SHISA9: variants seen among roughly 807,000 people sequenced by gnomAD.
SHISA9 encodes shisa family member 9.
SHISA9 carries 13 observed loss-of-function variants against 38.0 expected under a neutral mutation model. The ratio of observed to expected loss-of-function variants is 0.34; its 90% CI spans 0.22 to 0.54. The LOEUF is 0.54. SHISA9 is among the 20% of genes least tolerant of loss of function. SHISA9 has a pLI of 0.91. For missense variants in SHISA9, 538 were observed against 575.8 expected (o/e 0.93, Z 0.67); for synonymous variants, 275 against 242.0 (o/e 1.14, Z -1.27).
intron 2 of SHISA9, among the ~76,000 whole-genome samples, chr16:13,190,671 A>T (rs1220369162): frequency 6.6e-6 from 1 of 152,102 alleles, no homozygotes; most frequent in Non-Finnish European, 1.5e-5. Flanking sequence ...TCTGCCTCCT[A>T]CCCTAGACTG....
At chr16:12,989,767 T>G (rs2072360454) in intron 2 of SHISA9, among the ~76,000 whole-genome samples, 1 of 152,176 alleles carries the variant, frequency 6.6e-6, no homozygotes, top group African/African-American at 2.4e-5. Context: ...CATGAATTGT[T>G]ATTATTTTTC....
At chr16:12,940,169 G>C (rs1178068112) in intron 2 of SHISA9, among the ~76,000 whole-genome samples, 2 of 152,158 alleles carry the variant, frequency 1.3e-5, no homozygotes, top group Non-Finnish European at 2.9e-5. Context: ...GTTCCATCAT[G>C]GTCACTTTCC....
the SHISA9 span, among the ~76,000 whole-genome samples, chr16:13,534,500 C>A: frequency 6.6e-6 from 1 of 152,202 alleles, no homozygotes; most frequent in African/African-American, 2.4e-5. Context: ...GCTGGGATTA[C>A]AGGTGTGAGT....
chr16:13,238,458 T>C lies in SHISA9; in HGVS notation c.*3049T>C, dbSNP rs1195293312. 1 of 152,216 alleles carries C rather than the reference T, an allele frequency of 6.6e-6. No homozygotes were observed. Among genetic ancestry groups the C allele is most frequent in the African/African-American group, 2.4e-5 (1 of 41,424 alleles). 9.4% of individuals were successfully genotyped at this position (152,216 alleles called of 1,614,324 possible). ...GGTTGCTCTTTGCCCCCAGTCCACT[T>C]CGTCCCACCCTTATCTCAACTCTGA... On this transcript the variant is annotated 3_prime_UTR_variant, in exon 5 of 5. Transcript: ENST00000558583.
At chr16:13,366,730 G>A in the SHISA9 span, among the ~76,000 whole-genome samples, 2 of 152,114 alleles carry the variant, frequency 1.3e-5, no homozygotes, top group Non-Finnish European at 2.9e-5. Context: ...ACTCATGCCT[G>A]TTATCCCAGC....
chr16:13,035,910 G>A (rs776944082), intron 2 of SHISA9, among the ~76,000 whole-genome samples: 2 of 152,038 alleles, frequency 1.3e-5, no homozygotes, highest in Non-Finnish European at 1.5e-5. Context: ...AAAAGATGCC[G>A]GTGTCATTAG....
At chr16:13,282,136 C>A in the SHISA9 span, among the ~76,000 whole-genome samples, 1 of 151,912 alleles carries the variant, frequency 6.6e-6, no homozygotes, top group Admixed American at 6.6e-5. Flanking sequence ...GATATTATTT[C>A]TCTTTGGCTT....
intron 1 of SHISA9, among the ~76,000 whole-genome samples, chr16:12,906,830 T>C (rs2141707026): frequency 6.6e-6 from 1 of 152,220 alleles, no homozygotes; most frequent in African/African-American, 2.4e-5. Flanking sequence ...TTTGGCGGCG[T>C]CTCTGGTCTC....
chr16:13,442,181 ATGTTTCT>A, the SHISA9 span, among the ~76,000 whole-genome samples: 3 of 152,162 alleles, frequency 2.0e-5, no homozygotes, highest in African/African-American at 7.2e-5. Context: ...TTTGTTGTTG[ATGTTTCT>A]TTGCTTGTTT....
chr16:12,947,890 C>G lies in SHISA9; in HGVS notation c.691+31075C>G, dbSNP rs77159831. On this transcript the variant is annotated intron_variant, in intron 2 of 4. Transcript: ENST00000558583. Reference sequence around the variant, plus strand: ...TGACCGTTCCTTGACTCAAAATTGCCGGTTGTGGGTTCTGTTGCCAAACCT... The same window carrying G: ...TGACCGTTCCTTGACTCAAAATTGCGGGTTGTGGGTTCTGTTGCCAAACCT... 2.7e-3 allele frequency among the ~76,000 whole-genome samples: 408 copies of G among 152,214 alleles called. 1 individual carries two copies. Among genetic ancestry groups the G allele is most frequent in the Non-Finnish European group, 5.0e-3 (337 of 68,010 alleles).
intron 2 of SHISA9, among the ~76,000 whole-genome samples, chr16:13,090,003 C>G (rs984029269): frequency 1.3e-5 from 2 of 152,206 alleles, no homozygotes; most frequent in African/African-American, 4.8e-5. Context: ...TGCATTGTGT[C>G]TTTGTTCTCA....
chr16:13,361,003 A>C, the SHISA9 span, among the ~76,000 whole-genome samples: 47 of 152,298 alleles, frequency 3.1e-4, no homozygotes, highest in African/African-American at 1.1e-3. Flanking sequence ...TAACCTCTCA[A>C]ATAAAATACC....
chr16:13,222,591 C>A (rs1257123829), intron 4 of SHISA9, among the ~76,000 whole-genome samples: 2 of 152,088 alleles, frequency 1.3e-5, no homozygotes, highest in Non-Finnish European at 2.9e-5. Flanking sequence ...AAATCTAGTT[C>A]TGAGTTGAGT....
chr16:13,222,185 A>G (rs1358185687), intron 4 of SHISA9, among the ~76,000 whole-genome samples: 2 of 151,994 alleles, frequency 1.3e-5, no homozygotes, highest in African/African-American at 4.8e-5. Flanking sequence ...ACCTCCCACC[A>G]GGTCCCTCCC....
At chr16:13,162,336 A>G (rs1054529948) in intron 2 of SHISA9, among the ~76,000 whole-genome samples, 7 of 152,144 alleles carry the variant, frequency 4.6e-5, no homozygotes, top group African/African-American at 1.7e-4. Context: ...GAAACAGGGA[A>G]GGGAGGCATT....
the SHISA9 span, among the ~76,000 whole-genome samples, chr16:13,268,257 C>G: frequency 1.3e-5 from 2 of 152,296 alleles, no homozygotes; most frequent in East Asian, 1.9e-4. Context: ...TGCCTGTAAT[C>G]CCAGCACTTC....
chr16:13,473,487 T>A, the SHISA9 span, among the ~76,000 whole-genome samples: 1 of 151,994 alleles, frequency 6.6e-6, no homozygotes, highest in Non-Finnish European at 1.5e-5. Flanking sequence ...AATTTGTGAT[T>A]AAACATGCCT....
chr16:12,951,052 T>C (rs1362528641), intron 2 of SHISA9, among the ~76,000 whole-genome samples: 2 of 149,560 alleles, frequency 1.3e-5, no homozygotes, highest in Admixed American at 6.7e-5. Context: ...TGAAACCCCA[T>C]CTCTACTAAA....
Position 13,239,846 on chromosome 16 carries a change from C to G in SHISA9, c.*4437C>G, listed in dbSNP as rs1169469814. On this transcript the variant is annotated 3_prime_UTR_variant, in exon 5 of 5. Coordinates refer to ENST00000558583, the MANE Select transcript of SHISA9 (RefSeq NM_001145204.3). ...AGAAGCTCTTTAGTTTAATTAGATC[C>G]CATTTGTCAATTTTGGCTTCCTCTT... 1.6e-4 allele frequency: 25 copies of G among 152,120 alleles called. No individual in the cohort carries two copies. The highest frequency in any genetic ancestry group is 4.4e-5 in the Non-Finnish European group (3 of 68,040). 9.4% of individuals were successfully genotyped at this position (152,120 alleles called of 1,614,324 possible). A position where few individuals can be genotyped will look rare whatever the true frequency, so the allele number is the denominator to read the frequency against.
Sources: allele counts gnomAD v4.1 joint callset (sites outside exome capture counted in the v4.1 genomes callset), GRCh38; gene constraint gnomAD v4.1.1; transcripts MANE v1.5; gene names NCBI Gene and HGNC (gene_info 2026-07-23, HGNC 2026-07-21).